Variants in WNK2 observed in about 807,000 individuals in gnomAD.
WNK2 encodes the protein WNK lysine deficient protein kinase 2.
Under a neutral mutation model 192.1 loss-of-function variants are expected in WNK2, and 67 were observed. That is an observed-to-expected ratio of 0.35 (90% confidence interval 0.29 to 0.43). The LOEUF (loss-of-function observed/expected upper bound fraction) is 0.43. WNK2 is among the 20% of genes least tolerant of loss of function. The probability of loss-of-function intolerance (pLI) is 1.00; values close to 1 mark genes in which losing one functional copy is unlikely to be tolerated. For missense variants in WNK2, 2,698 were observed against 3,089.7 expected (o/e 0.87, Z 3.01); for synonymous variants, 1,439 against 1,393.9 (o/e 1.03, Z -0.72).
intron 19 of WNK2, among the ~76,000 whole-genome samples, chr9:93,282,679 C>T (rs538556494): frequency 3.9e-4 from 59 of 152,126 alleles, no homozygotes; most frequent in Non-Finnish European, 5.9e-4. Context: ...AATAAGCCCT[C>T]AAAATGCATA....
At chr9:93,214,270 A>G (rs1324278515) in intron 2 of WNK2, among the ~76,000 whole-genome samples, 1 of 151,680 alleles carries the variant, frequency 6.6e-6, no homozygotes, top group African/African-American at 2.4e-5. Context: ...TTTTTTCTTC[A>G]TCATCACTTT....
intron 19 of WNK2, among the ~76,000 whole-genome samples, chr9:93,275,486 C>G (rs1931368): frequency 0.88 from 133,462 of 152,172 alleles, 59,699 homozygotes; most frequent in East Asian, 1. Context: ...ATACACACAA[C>G]ATAAAAACCC....
intron 13 of WNK2, 58 bp downstream of exon 13, chr9:93,262,165 C>T: frequency 6.6e-7 from 1 of 1,513,540 alleles, no homozygotes; most frequent in Non-Finnish European, 8.9e-7. Flanking sequence ...CACCGGGGAT[C>T]TGCATAGTGA....
intron 14 of WNK2, chr9:93,263,219 G>A (rs1844578482): frequency 4.7e-6 from 2 of 421,260 alleles, no homozygotes; most frequent in South Asian, 2.5e-5. Context: ...ACTGCAAAAC[G>A]GATTGGCCTC....
At chr9:93,189,723 C>T (rs1002730001) in intron 2 of WNK2, among the ~76,000 whole-genome samples, 4 of 152,262 alleles carry the variant, frequency 2.6e-5, no homozygotes, top group Admixed American at 6.5e-5. Flanking sequence ...CCCGTCATCC[C>T]GTGCAGGTGG....
intron 19 of WNK2, among the ~76,000 whole-genome samples, chr9:93,275,477 T>TA (rs1308139305): frequency 6.6e-6 from 1 of 152,008 alleles, no homozygotes; most frequent in Non-Finnish European, 1.5e-5. Flanking sequence ...CACACATACA[T>TA]ACACACAACA....
At chr9:93,318,969 C>A in intron 29 of WNK2, 1 of 1,454,764 alleles carries the variant, frequency 6.9e-7, no homozygotes, top group Non-Finnish European at 9.1e-7. Flanking sequence ...TCCATCAATT[C>A]AGTTAGAATT....
chr9:93,187,659 A>G (rs1401023453), intron 2 of WNK2, among the ~76,000 whole-genome samples: 1 of 152,178 alleles, frequency 6.6e-6, no homozygotes, highest in Non-Finnish European at 1.5e-5. Context: ...ACAACCCCCA[A>G]GGTCACCAGT....
intron 19 of WNK2, among the ~76,000 whole-genome samples, chr9:93,276,235 G>T (rs1292675157): frequency 6.6e-6 from 1 of 152,180 alleles, no homozygotes; most frequent in Non-Finnish European, 1.5e-5. Flanking sequence ...TATAATATTG[G>T]CAAAGGGATT....
intron 2 of WNK2, among the ~76,000 whole-genome samples, chr9:93,202,993 G>A (rs1272097802): frequency 6.6e-6 from 1 of 151,608 alleles, no homozygotes; most frequent in Middle Eastern, 3.2e-3. Context: ...CATTGGAGGA[G>A]AGGGGCCCTC....
In WNK2 at chr9:93,184,189, C is replaced by A. The variant is rs918830839; in HGVS notation, c.-199C>A. Among the ~76,000 whole-genome samples the A allele has an allele frequency of 1.0e-4, 15 of 150,208 alleles. No homozygotes were observed. Among genetic ancestry groups the A allele is most frequent in the African/African-American group, 3.6e-4 (15 of 41,150 alleles). Reference sequence around the variant, plus strand: ...GTGCGGGAGCGGAGCCGCGCGAAGCCGGCAGGAGCACGCGGGAGCGCGGCC... The same window carrying A: ...GTGCGGGAGCGGAGCCGCGCGAAGCAGGCAGGAGCACGCGGGAGCGCGGCC... On this transcript the variant is annotated 5_prime_UTR_variant, in exon 1 of 30. Coordinates refer to ENST00000427277, the MANE Select transcript of WNK2 (RefSeq NM_006648.4).
intron 28 of WNK2, 81 bp downstream of exon 28, chr9:93,308,665 G>A: frequency 7.0e-7 from 1 of 1,429,812 alleles, no homozygotes; most frequent in Admixed American, 2.3e-5. Flanking sequence ...CTGTGTGGCA[G>A]AGGGGTGTCC....
chr9:93,207,637 G>T (rs1359346718), intron 2 of WNK2, among the ~76,000 whole-genome samples: 3 of 152,206 alleles, frequency 2.0e-5, no homozygotes, highest in Non-Finnish European at 4.4e-5. Context: ...AGCACTTGAG[G>T]AAATTAAACT....
chr9:93,184,863 C>G, intron 1 of WNK2, 65 bp from the exon 2 acceptor site: 1 of 1,191,958 alleles, frequency 8.4e-7, no homozygotes, highest in South Asian at 4.3e-5. Context: ...GTTGTCTCAT[C>G]CGGCGGCCTG....
chr9:93,214,706 C>CT lies in WNK2; in HGVS notation c.682-14990_682-14989insT, dbSNP rs557638278. On this transcript the variant is annotated intron_variant, in intron 2 of 29. Coordinates refer to ENST00000427277, the MANE Select transcript of WNK2 (RefSeq NM_006648.4). ...CCCCTTTGAAGGTAGTGCCCCCCCC[C>CT]CCCCCGCCCTCTCTTTGCTGAGTTT... Among the ~76,000 whole-genome samples the CT allele has an allele frequency of 8.9e-4, 78 of 87,802 alleles. 3 individuals are homozygous for CT. In the South Asian group the frequency reaches 0.035, roughly 40 times the overall value. The allele number at this position is 87,802 out of a possible 152,430, so 57.6% of individuals were successfully genotyped here.
chr9:93,218,068 A>G (rs1317484134), intron 2 of WNK2, among the ~76,000 whole-genome samples: 1 of 152,062 alleles, frequency 6.6e-6, no homozygotes, highest in Admixed American at 6.5e-5. Flanking sequence ...GAGGGGCCAC[A>G]ATATTCCACA....
At position 93,256,374 on chromosome 9, in the gene WNK2, A is replaced by G; in HGVS notation, c.2110A>G (p.Met704Val). ...CCAGCAGCACTTCCCGGATCCGGCCATGAGCTTCGCCCCCGTGCTGCCGCC... is the reference window on the plus strand; with the variant it reads ...CCAGCAGCACTTCCCGGATCCGGCCGTGAGCTTCGCCCCCGTGCTGCCGCC... The part of the protein sequence containing the change: ...SLQQHFPDPA[M>V]SFAPVLPPPS... The change falls in exon 10 of 30, where the codon ATG becomes GTG. Residue 704 changes from methionine to valine, a missense_variant. By Grantham distance (21) the Met-to-Val change is conservative (BLOSUM62 1). Transcript: ENST00000427277. The G allele has an allele frequency of 6.4e-7, 1 of 1,573,910 alleles. No individual in the cohort carries two copies. The highest frequency in any genetic ancestry group is 8.6e-7 in the Non-Finnish European group (1 of 1,166,140).
intron 24 of WNK2, among the ~76,000 whole-genome samples, chr9:93,298,303 G>A (rs1262892373): frequency 4.6e-5 from 7 of 152,262 alleles, no homozygotes; most frequent in South Asian, 4.1e-4. Flanking sequence ...GCTGCTCAGC[G>A]TTGGGCCTGA....
At chr9:93,241,897 A>G (rs1840837540) in intron 7 of WNK2, among the ~76,000 whole-genome samples, 1 of 152,060 alleles carries the variant, frequency 6.6e-6, no homozygotes, top group Non-Finnish European at 1.5e-5. Flanking sequence ...AAGCAGGTGG[A>G]ACTGGACTGC....
Sources: gnomAD v4.1 joint callset for allele counts (sites outside exome capture counted in the v4.1 genomes callset) on GRCh38, gnomAD v4.1.1 for gene constraint, MANE v1.5 for transcripts, NCBI Gene and HGNC (gene_info 2026-07-23, HGNC 2026-07-21) for gene names.